ATP8A2: variants seen among roughly 807,000 people sequenced by gnomAD.
ATP8A2 encodes ATPase phospholipid transporting 8A2.
Under a neutral mutation model 165.6 loss-of-function variants are expected in ATP8A2, and 100 were observed. That is an observed-to-expected ratio of 0.60 (90% CI 0.51 to 0.71). The LOEUF (loss-of-function observed/expected upper bound fraction) is 0.71. Among genes scored for constraint, ATP8A2 ranks in the 30% least tolerant of loss-of-function variants. The pLI is 0.00. For synonymous variants in ATP8A2, 543 were observed against 548.8 expected, an observed-to-expected ratio of 0.99 and a Z score of 0.15; for missense variants, 1,227 against 1,479.5, an observed-to-expected ratio of 0.83 and a Z score of 2.80.
At chr13:25,551,173 A>G (rs992988601) in intron 10 of ATP8A2, among the ~76,000 whole-genome samples, 165 bp from the exon 11 acceptor site, 6 of 152,200 alleles carry the variant, frequency 3.9e-5, no homozygotes, top group African/African-American at 1.4e-4. Flanking sequence ...AAAACTAGCT[A>G]TTGATTCAGG....
chr13:25,643,824 T>C (rs1246610937), intron 24 of ATP8A2, among the ~76,000 whole-genome samples: 1 of 152,060 alleles, frequency 6.6e-6, no homozygotes. Flanking sequence ...AGGTATTATA[T>C]TGACTCTTTA....
intron 23 of ATP8A2, among the ~76,000 whole-genome samples, chr13:25,586,450 G>A (rs1333664187): frequency 6.6e-6 from 1 of 152,196 alleles, no homozygotes; most frequent in Middle Eastern, 3.2e-3. Flanking sequence ...CAAGGGAGAG[G>A]TGCCCAGGCG....
chr13:25,811,625 G>A (rs1043537256), intron 27 of ATP8A2, among the ~76,000 whole-genome samples: 1 of 152,154 alleles, frequency 6.6e-6, no homozygotes. Flanking sequence ...CTTGAAGTGG[G>A]TGGATTGTCT....
chr13:25,663,167 A>C (rs547344345), intron 24 of ATP8A2, among the ~76,000 whole-genome samples: 56 of 152,386 alleles, frequency 3.7e-4, no homozygotes, highest in Middle Eastern at 3.4e-3. Flanking sequence ...TGGCAGAGCC[A>C]GGATTCAAAT....
At position 25,465,161 on chromosome 13, in the gene ATP8A2, C is replaced by G. The variant is rs114560437; in HGVS notation, c.77-3816C>G. Among the ~76,000 whole-genome samples, 1,122 of 152,336 alleles carry G rather than the reference C, an allele frequency of 7.4e-3. 13 individuals are homozygous for G. The highest frequency in any genetic ancestry group is 0.025 in the African/African-American group (1,060 of 41,576). On this transcript the variant is annotated intron_variant, in intron 1 of 36. Transcript: ENST00000381655. ...GCAAAATGCATTAACTCAGAATTATCTCATGAAACCTTAGTCATAATGTGC... is the reference window on the plus strand; with the variant it reads ...GCAAAATGCATTAACTCAGAATTATGTCATGAAACCTTAGTCATAATGTGC...
At chr13:25,378,155 T>G (rs2032706233) in intron 1 of ATP8A2, among the ~76,000 whole-genome samples, 1 of 151,914 alleles carries the variant, frequency 6.6e-6, no homozygotes, top group African/African-American at 2.4e-5. Context: ...TGCTGGTCAC[T>G]CCCCAGCTGT....
intron 35 of ATP8A2, among the ~76,000 whole-genome samples, chr13:25,994,843 A>C (rs1267434635): frequency 6.6e-6 from 1 of 151,900 alleles, no homozygotes; most frequent in African/African-American, 2.4e-5. Flanking sequence ...CTTTTTTTGT[A>C]ATGTCTTTGT....
At chr13:25,924,758 T>C (rs1028211471) in intron 33 of ATP8A2, among the ~76,000 whole-genome samples, 4 of 152,184 alleles carry the variant, frequency 2.6e-5, no homozygotes, top group Admixed American at 6.5e-5. Context: ...CCATGTGTCA[T>C]GGGAGGACCC....
chr13:25,939,761 G>A (rs1176593231), intron 33 of ATP8A2, among the ~76,000 whole-genome samples: 3 of 152,188 alleles, frequency 2.0e-5, no homozygotes, highest in Non-Finnish European at 4.4e-5. Context: ...TGGTTCGGCT[G>A]CCTCCTGCCA....
chr13:25,950,423 G>A (rs944555788), intron 33 of ATP8A2, among the ~76,000 whole-genome samples: 5 of 152,248 alleles, frequency 3.3e-5, no homozygotes, highest in Admixed American at 1.3e-4. Context: ...GAAAAATCAG[G>A]TAATAATTTG....
rs182183351 is a variant in ATP8A2, at chr13:25,727,849, C to T, written c.2384+28504C>T. On this transcript the variant is annotated intron_variant, in intron 25 of 36. Transcript: ENST00000381655. ...AGTTATGAATGGAACATTAACTCTG[C>T]GAAATCTACATATGGAAAACGACCC... is the stretch of plus-strand genomic sequence containing the variant. Among the ~76,000 whole-genome samples, 12 of 152,202 alleles carry T rather than the reference C, an allele frequency of 7.9e-5. No individual in the cohort carries two copies. The East Asian group carries it at 1.9e-3, about 24-fold the overall frequency.
chr13:25,581,708 G>T (rs1426597507), intron 22 of ATP8A2, 111 bp from the exon 23 acceptor site: 37 of 1,052,362 alleles, frequency 3.5e-5, no homozygotes, highest in Non-Finnish European at 3.9e-5. Flanking sequence ...TAAAATAGAG[G>T]AAATAGAACA....
intron 25 of ATP8A2, among the ~76,000 whole-genome samples, chr13:25,731,379 G>A (rs1487881201): frequency 6.9e-6 from 1 of 144,320 alleles, no homozygotes; most frequent in East Asian, 2.0e-4. Flanking sequence ...GGAAGGAAGA[G>A]GGAGGAAGAA....
chr13:25,529,949 T>C, intron 2 of ATP8A2, 50 bp from the exon 3 acceptor site: 1 of 1,050,692 alleles, frequency 9.5e-7, no homozygotes, highest in Non-Finnish European at 1.4e-6. Flanking sequence ...TTCTTGTGTT[T>C]TAGAGTTTAC....
chr13:25,688,744 C>T (rs1164930825), intron 24 of ATP8A2, among the ~76,000 whole-genome samples: 3 of 152,248 alleles, frequency 2.0e-5, no homozygotes, highest in Non-Finnish European at 4.4e-5. Flanking sequence ...GCAGGGCTTT[C>T]AAGAACCACG....
At chr13:25,405,158 G>C (rs1044286024) in intron 1 of ATP8A2, among the ~76,000 whole-genome samples, 2 of 152,144 alleles carry the variant, frequency 1.3e-5, no homozygotes, top group African/African-American at 4.8e-5. Context: ...GATGAGAGCA[G>C]CTCCCTGGAA....
At chr13:25,869,097 T>C (rs1952608273) in intron 33 of ATP8A2, among the ~76,000 whole-genome samples, 1 of 150,194 alleles carries the variant, frequency 6.7e-6, no homozygotes, top group Admixed American at 6.6e-5. Context: ...AAAAAAACCT[T>C]TTAATTGGTA....
At chr13:25,727,957 G>A (rs2043531623) in intron 25 of ATP8A2, among the ~76,000 whole-genome samples, 1 of 152,088 alleles carries the variant, frequency 6.6e-6, no homozygotes. Flanking sequence ...GGCTCACCAG[G>A]TAGTCACGTG....
chr13:25,709,579 T>C (rs1314820976), intron 25 of ATP8A2, among the ~76,000 whole-genome samples: 1 of 152,226 alleles, frequency 6.6e-6, no homozygotes, highest in African/African-American at 2.4e-5. Flanking sequence ...TGTAGATACA[T>C]GAACACATGA....
Sources: allele counts gnomAD v4.1 joint callset (sites outside exome capture counted in the v4.1 genomes callset), GRCh38; gene constraint gnomAD v4.1.1; transcripts MANE v1.5; gene names NCBI Gene and HGNC (gene_info 2026-07-23, HGNC 2026-07-21).